Variants in RBPMS observed in about 807,000 individuals in gnomAD.
RBPMS encodes RNA-binding protein with multiple splicing.
Under a neutral mutation model 26.8 loss-of-function variants are expected in RBPMS, and 7 were observed. That is an observed-to-expected ratio of 0.26 (90% confidence interval 0.15 to 0.49). The LOEUF is 0.49. RBPMS is among the 20% of genes least tolerant of loss of function. The pLI is 0.98. For missense variants in RBPMS, 186 were observed against 250.0 expected (o/e 0.74, Z 1.73); for synonymous variants, 96 against 93.3 (o/e 1.03, Z -0.17).
chr8:30,561,962 C>T (rs569404674), intron 7 of RBPMS: 4 of 985,172 alleles, frequency 4.1e-6, no homozygotes, highest in Non-Finnish European at 4.8e-6. Flanking sequence ...GCAATGGCTA[C>T]TAGAAGGACG....
At position 30,518,687 on chromosome 8, in the gene RBPMS, C is replaced by CTTTTTTTTTTTTTTTTTTTTTT. The variant is rs58763494; in HGVS notation, c.397+14258_397+14279dup. Among the ~76,000 whole-genome samples the CTTTTTTTTTTTTTTTTTTTTTT allele has an allele frequency of 6.0e-4, 11 of 18,244 alleles. 4 individuals are homozygous for CTTTTTTTTTTTTTTTTTTTTTT. Among genetic ancestry groups the CTTTTTTTTTTTTTTTTTTTTTT allele is most frequent in the East Asian group, 1.9e-3 (1 of 526 alleles). 12.0% of individuals were successfully genotyped at this position (18,244 alleles called of 152,430 possible). Reference sequence around the variant, plus strand: ...CAGTGATCCGCCCGGCCAAGCATGACTTTTTTTTTTTTTTTTTTTTTTTTT... The same window carrying CTTTTTTTTTTTTTTTTTTTTTT: ...CAGTGATCCGCCCGGCCAAGCATGACTTTTTTTTTTTTTTTTTTTTTTTTTTTTTTTTTTTTTTTTTTTTTTT... On this transcript the variant is annotated intron_variant, in intron 5 of 8. Coordinates refer to ENST00000397323, the MANE Select transcript of RBPMS (RefSeq NM_001008710.3).
In RBPMS at chr8:30,571,250, A is replaced by T. The variant is rs1828241185; in HGVS notation, c.*725A>T. On this transcript the variant is annotated 3_prime_UTR_variant, in exon 9 of 9. Coordinates refer to ENST00000397323, the MANE Select transcript of RBPMS (RefSeq NM_001008710.3). ...CTTATTCACAACTGGGCAAGAAAAC[A>T]TCATTGGTAAGAACTGCTGAGTGTG... 1 of 152,184 alleles carries T rather than the reference A, an allele frequency of 6.6e-6. No individual in the cohort carries two copies. The highest frequency in any genetic ancestry group is 1.5e-5 in the Non-Finnish European group (1 of 68,052). The allele number at this position is 152,184 out of a possible 1,614,324, so 9.4% of individuals were successfully genotyped here.
intron 5 of RBPMS, among the ~76,000 whole-genome samples, chr8:30,541,833 A>G (rs1423027077): frequency 2.0e-5 from 3 of 152,172 alleles, no homozygotes; most frequent in South Asian, 2.1e-4. Context: ...CAGTCTCTCT[A>G]GCTTTTGTAA....
At chr8:30,414,069 A>G (rs1406756494) in intron 1 of RBPMS, among the ~76,000 whole-genome samples, 2 of 151,898 alleles carry the variant, frequency 1.3e-5, no homozygotes, top group Non-Finnish European at 2.9e-5. Context: ...ATCTTTGTTG[A>G]CCTTAGAAAT....
chr8:30,564,197 T>C (rs1018665404), intron 7 of RBPMS: 1 of 152,212 alleles, frequency 6.6e-6, no homozygotes, highest in African/African-American at 2.4e-5. Flanking sequence ...CTTCACCAGC[T>C]TTATACGGGG....
intron 1 of RBPMS, among the ~76,000 whole-genome samples, chr8:30,410,878 C>G (rs779352788): frequency 6.6e-6 from 1 of 151,878 alleles, no homozygotes; most frequent in South Asian, 2.1e-4. Flanking sequence ...CAGGACTGCA[C>G]GTGCACACAG....
At position 30,571,349 on chromosome 8, in the gene RBPMS, T is replaced by C. The variant is rs1828244027; in HGVS notation, c.*824T>C. 2 of 152,274 alleles carry C rather than the reference T, an allele frequency of 1.3e-5. No homozygotes were observed. Among genetic ancestry groups the C allele is most frequent in the Non-Finnish European group, 2.9e-5 (2 of 68,060 alleles). 9.4% of individuals were successfully genotyped at this position (152,274 alleles called of 1,614,324 possible). On this transcript the variant is annotated 3_prime_UTR_variant, in exon 9 of 9. Transcript: ENST00000397323. Reference sequence around the variant, plus strand: ...CCAAGTGTGACTTTGTACAGTTTTATGTTTCCACTCTCCTGTATGTGTAGC... The same window carrying C: ...CCAAGTGTGACTTTGTACAGTTTTACGTTTCCACTCTCCTGTATGTGTAGC...
At chr8:30,518,113 G>A (rs547200200) in intron 5 of RBPMS, among the ~76,000 whole-genome samples, 1 of 152,174 alleles carries the variant, frequency 6.6e-6, no homozygotes, top group African/African-American at 2.4e-5. Context: ...TGCTTTAGTC[G>A]TCTCAGAAGT....
chr8:30,548,977 A>G (rs914958820), intron 6 of RBPMS, among the ~76,000 whole-genome samples: 12 of 152,242 alleles, frequency 7.9e-5, no homozygotes, highest in Admixed American at 2.0e-4. Flanking sequence ...AGTGCTGGGT[A>G]TGGACCTCAG....
intron 1 of RBPMS, among the ~76,000 whole-genome samples, chr8:30,455,735 A>T (rs1349195008): frequency 6.6e-6 from 1 of 151,948 alleles, no homozygotes; most frequent in African/African-American, 2.4e-5. Flanking sequence ...TAAAAATACA[A>T]AAAAATTAGC....
chr8:30,485,268 C>G (rs1304851899), intron 4 of RBPMS, among the ~76,000 whole-genome samples: 1 of 152,156 alleles, frequency 6.6e-6, no homozygotes. Flanking sequence ...TTCCACCAAA[C>G]AAAACATTTT....
At chr8:30,553,990 A>G (rs964991584) in intron 6 of RBPMS, among the ~76,000 whole-genome samples, 1 of 152,100 alleles carries the variant, frequency 6.6e-6, no homozygotes, top group Non-Finnish European at 1.5e-5. Flanking sequence ...AATAGCCAGG[A>G]TGGTCTCTAT....
chr8:30,409,889 C>T (rs992920643), intron 1 of RBPMS, among the ~76,000 whole-genome samples: 1 of 152,068 alleles, frequency 6.6e-6, no homozygotes, highest in African/African-American at 2.4e-5. Flanking sequence ...CCTTGGCCTC[C>T]CAAAGTGCTG....
chr8:30,568,464 CACCAAAGACCCAAAATGCAGTGTT>C (rs1828048890), intron 8 of RBPMS, among the ~76,000 whole-genome samples: 1 of 152,186 alleles, frequency 6.6e-6, no homozygotes, highest in Admixed American at 6.5e-5. Context: ...TTCTGAGTTC[CACCAAAGACCCAAAATGCAGTGTT>C]TTAGAATTGT....
Position 30,510,075 on chromosome 8 carries a change from C to T in RBPMS, c.397+5639C>T, listed in dbSNP as rs190952702. Among the ~76,000 whole-genome samples, 39 of 152,308 alleles carry T rather than the reference C, an allele frequency of 2.6e-4. No homozygotes were observed. The East Asian group carries it at 7.5e-3, about 29-fold the overall frequency. On this transcript the variant is annotated intron_variant, in intron 5 of 8. Transcript: ENST00000397323. ...TTGCTGCAAGTGAGACTAAGTGGCTCAGTAGGGCCGAAAATAATACCTGGG... is the reference window on the plus strand; with the variant it reads ...TTGCTGCAAGTGAGACTAAGTGGCTTAGTAGGGCCGAAAATAATACCTGGG...
chr8:30,435,865 G>T (rs1812401410), intron 1 of RBPMS, among the ~76,000 whole-genome samples: 1 of 152,296 alleles, frequency 6.6e-6, no homozygotes, highest in African/African-American at 2.4e-5. Context: ...GAGTGCAGTG[G>T]TGTGATCATA....
intron 6 of RBPMS, 173 bp downstream of exon 6, chr8:30,544,797 G>T (rs769391500): frequency 4.5e-6 from 7 of 1,569,562 alleles, no homozygotes; most frequent in Non-Finnish European, 6.0e-6. Context: ...GACGAGGATC[G>T]TCTGACAGCA....
At chr8:30,508,889 C>A (rs546746024) in intron 5 of RBPMS, among the ~76,000 whole-genome samples, 19 of 152,118 alleles carry the variant, frequency 1.2e-4, no homozygotes, top group African/African-American at 3.9e-4. Context: ...TATAATAGTG[C>A]CCTTAAAGGT....
chr8:30,511,487 ATATATATATAT>A (rs1233840483), intron 5 of RBPMS, among the ~76,000 whole-genome samples: 966 of 12,666 alleles, frequency 0.076, 30 homozygotes, highest in Middle Eastern at 0.1. Context: ...AAAAAAAAAA[ATATATATATAT>A]ATATATATAT....
Sources: allele counts gnomAD v4.1 joint callset (sites outside exome capture counted in the v4.1 genomes callset), GRCh38; gene constraint gnomAD v4.1.1; transcripts MANE v1.5; gene names NCBI Gene and HGNC (gene_info 2026-07-23, HGNC 2026-07-21).